The following CROCC2 variants were observed in gnomAD, a reference collection of about 807,000 sequenced individuals.
The protein encoded by CROCC2 is ciliary rootlet coiled-coil protein 2.
A neutral mutation model predicts 177.6 loss-of-function variants in CROCC2; 163 were observed. The ratio of observed to expected loss-of-function variants is 0.92; its 90% CI spans 0.81 to 1.05. The LOEUF is 1.05. Among genes scored for constraint, CROCC2 ranks in the 50% least tolerant of loss-of-function variants. CROCC2 has a pLI of 0.00. For synonymous variants in CROCC2, 904 were observed against 787.3 expected, an observed-to-expected ratio of 1.15 and a Z score of -2.48; for missense variants, 1,929 against 1,797.8, an observed-to-expected ratio of 1.07 and a Z score of -1.32.
At chr2:240,925,453 G>A (rs762414002) in intron 4 of CROCC2, among the ~76,000 whole-genome samples, 2 of 152,226 alleles carry the variant, frequency 1.3e-5, no homozygotes, top group Non-Finnish European at 2.9e-5. Flanking sequence ...CCAGAGCCAG[G>A]AGAGCTCGGG....
chr2:240,930,821 C>T, intron 6 of CROCC2, 110 bp from the exon 7 acceptor site: 2 of 601,410 alleles, frequency 3.3e-6, no homozygotes, highest in Non-Finnish European at 6.0e-6. Context: ...GCAGTGGGGG[C>T]TTCTCCTGAC....
At chr2:240,944,259 T>A (rs182676870) in intron 14 of CROCC2, among the ~76,000 whole-genome samples, 7 of 152,364 alleles carry the variant, frequency 4.6e-5, no homozygotes. Flanking sequence ...ATCTTTGGTA[T>A]TCAGAAACTT....
chr2:240,918,035 AAC>A lies in CROCC2; in HGVS notation c.79-688_79-687del, dbSNP rs1488393135. On this transcript the variant is annotated intron_variant, in intron 1 of 31. Transcript: ENST00000690015. This position sits in a 1 kb window ranked among gnomAD's most constrained non-coding sequence, Gnocchi z 6.3. ...GGGGCAGAAGGGCAGCCATTCAGCA[AAC>A]ACCTCCTGAGTGTGAGCCCAGGTCC... Among the ~76,000 whole-genome samples, 1 of 152,206 alleles carries A rather than the reference AAC, an allele frequency of 6.6e-6. No individual in the cohort carries two copies. Among genetic ancestry groups the A allele is most frequent in the African/African-American group, 2.4e-5 (1 of 41,452 alleles).
intron 1 of CROCC2, among the ~76,000 whole-genome samples, chr2:240,912,033 G>C (rs1295889823): frequency 1.3e-5 from 2 of 152,174 alleles, no homozygotes; most frequent in African/African-American, 2.4e-5. Flanking sequence ...GTCGCGCGGA[G>C]AGTCTACATT....
intron 14 of CROCC2, among the ~76,000 whole-genome samples, chr2:240,935,944 A>G (rs1307458712): frequency 3.3e-5 from 5 of 152,212 alleles, no homozygotes; most frequent in African/African-American, 4.8e-5. Flanking sequence ...CTGCGACTGC[A>G]CATTCACTGG....
At position 240,968,264 on chromosome 2, in the gene CROCC2, T is replaced by G; in HGVS notation, c.4401+2T>G. ...GGCCAGGAGAAGCGGCGGCTGCAGG[T>G]GGGGCAGGCGGCAGGGTGGGTCCCA... On this transcript the variant is annotated splice_donor_variant, in intron 27 of 31. Transcript: ENST00000690015. LOFTEE classifies it high-confidence loss of function. 1 of 1,526,570 alleles carries G rather than the reference T, an allele frequency of 6.6e-7. No individual in the cohort carries two copies. Among genetic ancestry groups the G allele is most frequent in the Non-Finnish European group, 8.8e-7 (1 of 1,142,466 alleles). 94.6% of individuals were successfully genotyped at this position (1,526,570 alleles called of 1,614,324 possible).
chr2:240,983,109 T>C (rs2059812731), intron 28 of CROCC2, 80 bp downstream of exon 28: 5 of 1,376,612 alleles, frequency 3.6e-6, no homozygotes, highest in Non-Finnish European at 4.9e-6. Context: ...CCTGTGGTCC[T>C]TTGCAGAATC....
At chr2:240,967,030 C>T (rs1160468036) in intron 25 of CROCC2, among the ~76,000 whole-genome samples, 2 of 152,136 alleles carry the variant, frequency 1.3e-5, no homozygotes, top group African/African-American at 4.8e-5. Context: ...CCCTACCGGT[C>T]CCCCTGACCA....
In CROCC2 at chr2:240,953,832, C is replaced by T. The variant is rs1559602652; in HGVS notation, c.2830-2027C>T. 1.3e-5 allele frequency among the ~76,000 whole-genome samples: 2 copies of T among 152,188 alleles called. No homozygotes were observed. Among genetic ancestry groups the T allele is most frequent in the African/African-American group, 4.8e-5 (2 of 41,446 alleles). ...AGGAGGGGCTGTCTCCACTGGAACC[C>T]TCCATTCTCCGACCCGCTGTGTCTG... On this transcript the variant is annotated intron_variant, in intron 18 of 31. Transcript: ENST00000690015. The surrounding 1 kb of genome is among the most constrained non-coding windows in gnomAD (Gnocchi z 4.0).
Position 240,918,848 on chromosome 2 carries a change from C to T in CROCC2, c.201C>T (p.Ala67=), listed in dbSNP as rs934850406. Residue 67 remains alanine (A), a synonymous_variant, in exon 2 of 32, where the codon GCC becomes GCT. Coordinates refer to ENST00000690015, the MANE Select transcript of CROCC2 (RefSeq NM_001351305.2). The surrounding 1 kb of genome is among the most constrained non-coding windows in gnomAD (Gnocchi z 6.3). ...CCACCCGCATCCGTGAGATCGTGGC[C>T]GGCAGCCTGAGTGAGGAGCCACCCC... ...PVPTRIREIV[A]GSLSEEPPQA... is the part of the protein sequence containing the mutation. 3 of 658,768 alleles carry T rather than the reference C, an allele frequency of 4.6e-6. No homozygotes were observed. Among genetic ancestry groups the T allele is most frequent in the African/African-American group, 1.9e-5 (1 of 54,024 alleles). 40.8% of individuals were successfully genotyped at this position (658,768 alleles called of 1,614,324 possible). A position where few individuals can be genotyped will look rare whatever the true frequency, so the allele number is the denominator to read the frequency against.
chr2:240,959,440 G>C lies in CROCC2; in HGVS notation c.3083G>C (p.Arg1028Thr). The C allele has an allele frequency of 6.5e-7, 1 of 1,550,238 alleles. No individual in the cohort carries two copies. The highest frequency in any genetic ancestry group is 8.7e-7 in the Non-Finnish European group (1 of 1,146,762). The stretch of plus-strand genomic sequence containing the variant: ...GCGGCTGAGCGGGGCGATGTGGAGA[G>C]AGAGGTGAGAGGCAGGGCTGGGGGG... ...DLAAERGDVE[R>T]EAERLRAQLT... The change falls in exon 20 of 32, where the codon AGA becomes ACA. Residue 1028 changes from arginine (R) to threonine (T), a missense_variant. Physicochemically the swap from Arg to Thr is moderately conservative, Grantham distance 71. Coordinates refer to ENST00000690015, the MANE Select transcript of CROCC2 (RefSeq NM_001351305.2).
intron 14 of CROCC2, among the ~76,000 whole-genome samples, chr2:240,944,850 T>C (rs1469638894): frequency 2.0e-5 from 3 of 152,220 alleles, no homozygotes; most frequent in African/African-American, 7.2e-5. Flanking sequence ...TTAGTCAATC[T>C]TATATATAAT....
chr2:240,968,743 G>T (rs1163326163), intron 27 of CROCC2, among the ~76,000 whole-genome samples: 1 of 152,266 alleles, frequency 6.6e-6, no homozygotes, highest in Non-Finnish European at 1.5e-5. Context: ...AGGAAGGGCT[G>T]AAGTCAGTGT....
chr2:240,964,279 G>A (rs959492357), intron 21 of CROCC2, 187 bp from the exon 22 acceptor site: 27 of 665,978 alleles, frequency 4.1e-5, no homozygotes, highest in African/African-American at 1.1e-4. Context: ...CCATGCGGCC[G>A]GCACCGGGAC....
Position 240,963,716 on chromosome 2 carries a change from T to C in CROCC2, c.3248T>C (p.Leu1083Ser), listed in dbSNP as rs1410184504. 4 of 1,550,166 alleles carry C rather than the reference T, an allele frequency of 2.6e-6. No individual in the cohort carries two copies. In the African/African-American group the frequency reaches 5.5e-5, roughly 21 times the overall value. The stretch of plus-strand genomic sequence containing the variant: ...GAGGCCCGCGAGAAGGACGTACTGT[T>C]GCTTTTCAACAGCGAGCTGCGGGCC... ...SDEAREKDVL[L>S]LFNSELRATI... The change falls in exon 21 of 32, where the codon TTG becomes TCG. Residue 1083 changes from leucine (L) to serine (S), a missense_variant. By Grantham distance (145) the Leu-to-Ser change is moderately radical (BLOSUM62 -2). Transcript: ENST00000690015.
At chr2:240,939,803 C>T (rs2059486891) in intron 14 of CROCC2, among the ~76,000 whole-genome samples, 1 of 151,968 alleles carries the variant, frequency 6.6e-6, no homozygotes, top group Admixed American at 6.5e-5. Flanking sequence ...TATTCTTTGC[C>T]CCGTGGATTA....
At chr2:240,961,991 CCACA>C (rs1218151675) in intron 20 of CROCC2, among the ~76,000 whole-genome samples, 1 of 145,046 alleles carries the variant, frequency 6.9e-6, no homozygotes, top group East Asian at 2.1e-4. Context: ...TTGCACCGGC[CCACA>C]CACACACTCA....
chr2:240,934,910 C>A lies in CROCC2; in HGVS notation c.1792-6C>A, dbSNP rs767845148. 6.6e-7 allele frequency: 1 copy of A among 1,504,060 alleles called. No individual in the cohort carries two copies. Among genetic ancestry groups the A allele is most frequent in the Non-Finnish European group, 8.9e-7 (1 of 1,126,056 alleles). 93.2% of individuals were successfully genotyped at this position (1,504,060 alleles called of 1,614,324 possible). ...TCCCTCCCTGGCATCCCCCTCCCTG[C>A]CCCAGGCCGAGTGCAGCAATGCGGA... On this transcript the variant is annotated splice_region_variant and splice_polypyrimidine_tract_variant and intron_variant, in intron 12 of 31. Coordinates refer to ENST00000690015, the MANE Select transcript of CROCC2 (RefSeq NM_001351305.2).
At chr2:240,925,507 C>T (rs1281708325) in intron 4 of CROCC2, among the ~76,000 whole-genome samples, 1 of 152,212 alleles carries the variant, frequency 6.6e-6, no homozygotes, top group Non-Finnish European at 1.5e-5. Context: ...ACTGGGCTGG[C>T]ACCTGGGAGA....
Sources: allele counts gnomAD v4.1 joint callset (sites outside exome capture counted in the v4.1 genomes callset), GRCh38; gene constraint gnomAD v4.1.1; non-coding constraint Gnocchi (gnomAD v3.1); transcripts MANE v1.5; gene names NCBI Gene and HGNC (gene_info 2026-07-23, HGNC 2026-07-21).